Variants in NF1 observed in about 807,000 individuals in gnomAD.
NF1 encodes the protein neurofibromin.
NF1 carries 122 observed loss-of-function variants against 325.7 expected under a neutral mutation model. The observed-to-expected ratio is 0.37, with a 90% CI of 0.32 to 0.44. The LOEUF (loss-of-function observed/expected upper bound fraction) is 0.44, where lower values mean the gene tolerates loss of function less well. Ranked by LOEUF, NF1 falls within the 20% of genes least tolerant of loss-of-function variation. The probability of loss-of-function intolerance (pLI) is 1.00; values close to 1 mark genes in which losing one functional copy is unlikely to be tolerated. For synonymous variants in NF1, 1,091 were observed against 1,186.0 expected (o/e 0.92, Z 1.65); for missense variants, 2,140 against 3,415.4 (o/e 0.63, Z 9.31).
At chr17:31,240,326 G>A (rs567395628) in intron 29 of NF1, among the ~76,000 whole-genome samples, 9 of 152,014 alleles carry the variant, frequency 5.9e-5, no homozygotes, top group East Asian at 1.9e-4. Flanking sequence ...ATAAGAGAGC[G>A]CACGATGTTG....
intron 5 of NF1, 88 bp from the exon 6 acceptor site, chr17:31,181,334 A>T (rs2066128102): frequency 8.2e-7 from 1 of 1,212,196 alleles, no homozygotes; most frequent in Admixed American, 1.9e-5. Context: ...GAGCAAAAGT[A>T]ATACGTAAAT....
chr17:31,207,747 A>T (rs947875364), intron 12 of NF1, among the ~76,000 whole-genome samples: 6 of 152,300 alleles, frequency 3.9e-5, no homozygotes, highest in Middle Eastern at 3.4e-3. Context: ...AGATATTTTT[A>T]AAAAATCTTT....
chr17:31,246,726 G>A (rs1195053770), intron 29 of NF1, among the ~76,000 whole-genome samples: 1 of 152,130 alleles, frequency 6.6e-6, no homozygotes, highest in African/African-American at 2.4e-5. Flanking sequence ...ACATAAAGTA[G>A]GCATTATTAG....
chr17:31,237,387 A>G (rs990734364), intron 29 of NF1, among the ~76,000 whole-genome samples: 2 of 152,110 alleles, frequency 1.3e-5, no homozygotes, highest in Non-Finnish European at 2.9e-5. Context: ...CGATTCTCCC[A>G]TCTCAGCCTC....
intron 4 of NF1, among the ~76,000 whole-genome samples, chr17:31,168,418 T>G (rs953571766): frequency 2.0e-5 from 3 of 152,210 alleles, no homozygotes; most frequent in African/African-American, 7.2e-5. Context: ...GGTTTTTTCA[T>G]TATCTCAGAA....
Position 31,225,247 on chromosome 17 carries a change from T to C in NF1, c.1998T>C (p.Ser666=), listed in dbSNP as rs1567846823. 3 of 1,613,582 alleles carry C rather than the reference T, an allele frequency of 1.9e-6. No homozygotes were observed. Among genetic ancestry groups the C allele is most frequent in the Non-Finnish European group, 2.5e-6 (3 of 1,179,580 alleles). ...TCCGGAAGGGAAAAGGGAACTCCTC[T>C]ATGGTCAGCTTCTTCTGTACTTTTT... ...ASLRKGKGNS[S]MDSAAGCSGT... Residue 666 remains serine (S), a synonymous_variant, in exon 17 of 58, where the codon TCT becomes TCC. Coordinates refer to ENST00000358273, the MANE Select transcript of NF1 (RefSeq NM_001042492.3).
chr17:31,306,416 A>T (rs2068722645), intron 36 of NF1, among the ~76,000 whole-genome samples: 1 of 152,144 alleles, frequency 6.6e-6, no homozygotes, highest in African/African-American at 2.4e-5. Flanking sequence ...ATAGACATAG[A>T]TATAGATATA....
At chr17:31,152,595 TTTACTC>T (rs1917024508) in intron 1 of NF1, among the ~76,000 whole-genome samples, 1 of 151,208 alleles carries the variant, frequency 6.6e-6, no homozygotes, top group Non-Finnish European at 1.5e-5. Flanking sequence ...TCTGTGTTAA[TTTACTC>T]TTATGTATCT....
chr17:31,219,467 G>A (rs2066884592), intron 14 of NF1: 1 of 152,554 alleles, frequency 6.6e-6, no homozygotes, highest in Non-Finnish European at 1.5e-5. Flanking sequence ...GCCATTTTAA[G>A]TAGTTCTTTT....
At chr17:31,177,921 A>C (rs1597654014) in intron 5 of NF1, among the ~76,000 whole-genome samples, 1 of 152,172 alleles carries the variant, frequency 6.6e-6, no homozygotes, top group Non-Finnish European at 1.5e-5. Flanking sequence ...GATGGGGAGG[A>C]TGGAAAAAGT....
In NF1 at chr17:31,336,242, A is replaced by G. The variant is rs989450407; in HGVS notation, c.6007-91A>G. On this transcript the variant is annotated intron_variant, in intron 40 of 57. Transcript: ENST00000358273. The surrounding 1 kb of genome is among the most constrained non-coding windows in gnomAD (Gnocchi z 5.5). The stretch of plus-strand genomic sequence containing the variant: ...AGGCCTCAGGTAAAATAGAATTTTC[A>G]TATTGATTAGGCTGTTCCAATGAAT... 1.4e-6 allele frequency: 2 copies of G among 1,397,128 alleles called. No homozygotes were observed. Among genetic ancestry groups the G allele is most frequent in the Non-Finnish European group, 9.9e-7 (1 of 1,011,316 alleles). The allele number at this position is 1,397,128 out of a possible 1,614,324, so 86.5% of individuals were successfully genotyped here.
chr17:31,318,480 T>A, intron 36 of NF1: 3 of 1,614,058 alleles, frequency 1.9e-6, no homozygotes, highest in Non-Finnish European at 2.5e-6. Flanking sequence ...CGCCATTGCT[T>A]CTAGGCTGAC....
intron 29 of NF1, among the ~76,000 whole-genome samples, chr17:31,236,985 A>G (rs1354433153): frequency 6.6e-6 from 1 of 152,190 alleles, no homozygotes; most frequent in Non-Finnish European, 1.5e-5. Flanking sequence ...TTTTATAAAT[A>G]TTTGTTAAGT....
At chr17:31,234,409 C>A (rs1336159531) in intron 27 of NF1, among the ~76,000 whole-genome samples, 1 of 152,068 alleles carries the variant, frequency 6.6e-6, no homozygotes, top group Non-Finnish European at 1.5e-5. Context: ...TGTGGTCGCT[C>A]ACGCCTGTAA....
intron 5 of NF1, among the ~76,000 whole-genome samples, chr17:31,174,944 A>G (rs1385955471): frequency 1.3e-5 from 2 of 151,884 alleles, no homozygotes; most frequent in Admixed American, 6.6e-5. Flanking sequence ...CCCCATCTCT[A>G]CTAAAAATAC....
At chr17:31,335,168 T>C (rs2069613836) in intron 40 of NF1, 137 bp downstream of exon 40, 1 of 700,024 alleles carries the variant, frequency 1.4e-6, no homozygotes, top group East Asian at 2.7e-5. Flanking sequence ...AGAAAGCATG[T>C]AGACACTCAC....
chr17:31,323,359 A>C (rs2069262081), intron 36 of NF1, among the ~76,000 whole-genome samples: 1 of 151,864 alleles, frequency 6.6e-6, no homozygotes, highest in Non-Finnish European at 1.5e-5. Flanking sequence ...GGCTACAGTG[A>C]GCTGTGACCG....
chr17:31,238,573 A>C (rs916366175), intron 29 of NF1, among the ~76,000 whole-genome samples: 1 of 151,974 alleles, frequency 6.6e-6, no homozygotes, highest in Admixed American at 6.6e-5. Flanking sequence ...TCTTTACTAA[A>C]AATACAAAAA....
At chr17:31,118,774 A>G (rs1484333352) in intron 1 of NF1, among the ~76,000 whole-genome samples, 1 of 152,184 alleles carries the variant, frequency 6.6e-6, no homozygotes, top group Non-Finnish European at 1.5e-5. Context: ...TATTTATAGT[A>G]GAATGATTTA....
Sources: allele counts gnomAD v4.1 joint callset (sites outside exome capture counted in the v4.1 genomes callset), GRCh38; gene constraint gnomAD v4.1.1; non-coding constraint Gnocchi (gnomAD v3.1); transcripts MANE v1.5; gene names NCBI Gene and HGNC (gene_info 2026-07-23, HGNC 2026-07-21).